The following NOXRED1 variants were observed in gnomAD, a reference collection of about 807,000 sequenced individuals.
NOXRED1 encodes the protein NADP dependent oxidoreductase domain containing 1.
NOXRED1 carries 20 observed loss-of-function variants against 30.4 expected under a neutral mutation model. The ratio of observed to expected loss-of-function variants is 0.66; its 90% CI spans 0.46 to 0.96. The LOEUF (loss-of-function observed/expected upper bound fraction) is 0.96. Among genes scored for constraint, NOXRED1 ranks in the 40% least tolerant of loss-of-function variants. The pLI, the probability that NOXRED1 is intolerant of heterozygous loss-of-function variation, is 0.00. For missense variants in NOXRED1, 374 were observed against 428.0 expected (o/e 0.87, Z 1.11); for synonymous variants, 155 against 168.0 (o/e 0.92, Z 0.60).
rs533820367 is a variant in NOXRED1, at chr14:77,404,816, A to G, written c.905+1097T>C. On this transcript the variant is annotated intron_variant, in intron 5 of 5. Coordinates refer to ENST00000380835, the MANE Select transcript of NOXRED1 (RefSeq NM_001113475.3). ...CATGTTCAATAATTAAGGAAGAAAA[A>G]GAGTTTAAAGCATCCAGTGGATCTA... is the stretch of plus-strand genomic sequence containing the variant. 6.6e-5 allele frequency among the ~76,000 whole-genome samples: 10 copies of G among 152,280 alleles called. No individual in the cohort carries two copies. In the South Asian group the frequency reaches 2.1e-3, roughly 32 times the overall value.
chr14:77,395,077 C>T (rs1894143767), intron 5 of NOXRED1, among the ~76,000 whole-genome samples: 1 of 151,018 alleles, frequency 6.6e-6, no homozygotes. Flanking sequence ...AACATTGACA[C>T]CCTTTGCAGA....
chr14:77,404,446 G>A (rs933529972), intron 5 of NOXRED1, among the ~76,000 whole-genome samples: 1 of 152,220 alleles, frequency 6.6e-6, no homozygotes, highest in African/African-American at 2.4e-5. Context: ...AGGTTTAAGA[G>A]CAGGTATGTT....
intron 5 of NOXRED1, among the ~76,000 whole-genome samples, chr14:77,401,768 G>A (rs1168601515): frequency 6.6e-6 from 1 of 152,216 alleles, no homozygotes; most frequent in African/African-American, 2.4e-5. Flanking sequence ...AGTCAGAGGA[G>A]TAACACTACC....
chr14:77,397,839 A>G (rs1324939178), intron 5 of NOXRED1, among the ~76,000 whole-genome samples: 3 of 148,690 alleles, frequency 2.0e-5, no homozygotes, highest in Non-Finnish European at 4.4e-5. Flanking sequence ...CCGAGATTGC[A>G]CCACTCACTC....
At chr14:77,418,245 C>T (rs1894886585) in intron 1 of NOXRED1, among the ~76,000 whole-genome samples, 1 of 152,040 alleles carries the variant, frequency 6.6e-6, no homozygotes, top group African/African-American at 2.4e-5. Context: ...GGTGATCCTC[C>T]CGCCTCAGCC....
At chr14:77,405,424 C>T (rs1286584853) in intron 5 of NOXRED1, among the ~76,000 whole-genome samples, 1 of 152,064 alleles carries the variant, frequency 6.6e-6, no homozygotes, top group Non-Finnish European at 1.5e-5. Flanking sequence ...TAAAGAATGT[C>T]AAAGCAGCCC....
At chr14:77,412,178 T>A (rs1369235254) in intron 2 of NOXRED1, among the ~76,000 whole-genome samples, 1 of 151,366 alleles carries the variant, frequency 6.6e-6, no homozygotes, top group Admixed American at 6.6e-5. Flanking sequence ...TTTGGAAAAT[T>A]ATGTACAAGG....
chr14:77,407,377 T>C, intron 3 of NOXRED1, 88 bp downstream of exon 3: 2 of 912,072 alleles, frequency 2.2e-6, no homozygotes, highest in Non-Finnish European at 3.5e-6. Flanking sequence ...CTCTAAGAGA[T>C]AGGGGCTACA....
intron 5 of NOXRED1, among the ~76,000 whole-genome samples, chr14:77,395,490 A>C (rs922602883): frequency 1.3e-5 from 2 of 152,010 alleles, no homozygotes; most frequent in African/African-American, 4.8e-5. Context: ...CTTTTAAGAT[A>C]TCCTCTTTAG....
intron 1 of NOXRED1, among the ~76,000 whole-genome samples, chr14:77,415,504 A>G (rs1372728818): frequency 1.2e-4 from 18 of 148,840 alleles, no homozygotes; most frequent in Admixed American, 1.2e-3. Flanking sequence ...CGGGAGGTGG[A>G]GGTTGCAGTG....
rs144315022 is a variant in NOXRED1, at chr14:77,399,200, G to A, written c.906-4395C>T. On this transcript the variant is annotated intron_variant, in intron 5 of 5. Coordinates refer to ENST00000380835, the MANE Select transcript of NOXRED1 (RefSeq NM_001113475.3). ...ACTGAGGCCAGGTGAGGTGACTCCT[G>A]TAATCCCAGCAATCTGGGAGGCCGA... 1.5e-3 allele frequency among the ~76,000 whole-genome samples: 235 copies of A among 152,242 alleles called. 3 individuals are homozygous for A. The East Asian group carries it at 0.033, about 22-fold the overall frequency.
At chr14:77,404,122 C>T (rs1379511163) in intron 5 of NOXRED1, among the ~76,000 whole-genome samples, 1 of 152,158 alleles carries the variant, frequency 6.6e-6, no homozygotes, top group Non-Finnish European at 1.5e-5. Context: ...TTTCAATGCA[C>T]CCTTTCTCAG....
intron 4 of NOXRED1, 94 bp from the exon 5 acceptor site, chr14:77,406,229 T>C (rs1261275904): frequency 5.1e-6 from 4 of 789,550 alleles, no homozygotes; most frequent in Non-Finnish European, 8.3e-6. Flanking sequence ...ATAGCCGCCT[T>C]TTTTCCAAGA....
chr14:77,411,882 A>G (rs1265912957), intron 2 of NOXRED1, among the ~76,000 whole-genome samples: 1 of 152,188 alleles, frequency 6.6e-6, no homozygotes, highest in African/African-American at 2.4e-5. Context: ...ACCTGAGGTC[A>G]GGAGTACAAG....
intron 1 of NOXRED1, among the ~76,000 whole-genome samples, chr14:77,420,915 G>C (rs1044939016): frequency 6.6e-6 from 1 of 152,168 alleles, no homozygotes; most frequent in Non-Finnish European, 1.5e-5. Flanking sequence ...TATTGCAGGG[G>C]CTGATAATCT....
chr14:77,413,841 A>G (rs1894729973), intron 2 of NOXRED1, 93 bp downstream of exon 2: 2 of 809,002 alleles, frequency 2.5e-6, no homozygotes, highest in Admixed American at 6.4e-5. Flanking sequence ...CGCTGTATGC[A>G]AGGATTCCTC....
intron 5 of NOXRED1, among the ~76,000 whole-genome samples, chr14:77,397,990 A>C (rs918001024): frequency 1.3e-5 from 2 of 152,144 alleles, no homozygotes; most frequent in Non-Finnish European, 2.9e-5. Flanking sequence ...CTAAAAAATC[A>C]ATAACTCTTT....
At chr14:77,395,382 AGGCGTGAGCCACTGCGCCC>A (rs1045628962) in intron 5 of NOXRED1, among the ~76,000 whole-genome samples, 1 of 152,086 alleles carries the variant, frequency 6.6e-6, no homozygotes, top group Non-Finnish European at 1.5e-5. Flanking sequence ...CTGGGATTAC[AGGCGTGAGCCACTGCGCCC>A]GGCTGCAGAA....
At chr14:77,402,621 CA>C (rs540824798) in intron 5 of NOXRED1, among the ~76,000 whole-genome samples, 2 of 151,348 alleles carry the variant, frequency 1.3e-5, no homozygotes, top group African/African-American at 2.4e-5. Context: ...GCAACAAGAG[CA>C]AACCTCCGTC....
Sources: gnomAD v4.1 joint callset for allele counts (sites outside exome capture counted in the v4.1 genomes callset) on GRCh38, gnomAD v4.1.1 for gene constraint, MANE v1.5 for transcripts, NCBI Gene and HGNC (gene_info 2026-07-23, HGNC 2026-07-21) for gene names.